PAPLN: variants seen among roughly 807,000 people sequenced by gnomAD.
PAPLN encodes the protein papilin, proteoglycan like sulfated glycoprotein, also known as papilin.
In PAPLN, 146 loss-of-function variants were observed where a neutral mutation model predicts 159.0. That is an observed-to-expected ratio of 0.92 (90% CI 0.80 to 1.05). The LOEUF is 1.05. Ranked by LOEUF, PAPLN falls within the 50% of genes least tolerant of loss-of-function variation. The pLI, the probability that PAPLN is intolerant of heterozygous loss-of-function variation, is 0.00. For missense variants in PAPLN, 1,720 were observed against 1,743.9 expected (o/e 0.99, Z 0.24); for synonymous variants, 734 against 702.9 (o/e 1.04, Z -0.70).
intron 10 of PAPLN, 68 bp downstream of exon 10, chr14:73,252,209 C>T: frequency 6.7e-7 from 1 of 1,496,296 alleles, no homozygotes; most frequent in Non-Finnish European, 8.9e-7. Flanking sequence ...CACAGGTGGG[C>T]AAGTCACAGC....
In PAPLN at chr14:73,259,411, C is replaced by G; in HGVS notation, c.1851C>G (p.Tyr617Ter). Residue 617 changes from tyrosine to a stop codon, truncating the protein, a stop_gained, in exon 16 of 27, where the codon TAC (tyrosine) becomes TAG (stop). Transcript: ENST00000644200. LOFTEE classifies it high-confidence loss of function. ...CTCCCTCTCTGCAGCAGCCCCCATA[C>G]CAGCAACCCCTGCGGTCGGGCTCAG... is the stretch of plus-strand genomic sequence containing the variant. ...GPAPSLQQPP[Y>*]QQPLRSGSGP... is the part of the protein sequence containing the mutation. The G allele has an allele frequency of 6.2e-7, 1 of 1,613,192 alleles. No individual in the cohort carries two copies. Among genetic ancestry groups the G allele is most frequent in the South Asian group, 1.1e-5 (1 of 90,920 alleles).
intron 3 of PAPLN, 63 bp downstream of exon 3, chr14:73,244,822 G>C (rs1488758061): frequency 7.4e-7 from 1 of 1,345,896 alleles, no homozygotes; most frequent in African/African-American, 1.5e-5. Context: ...CCTTCTGGGT[G>C]GTGGGCTAGG....
At chr14:73,262,979 C>T in intron 19 of PAPLN, 152 bp downstream of exon 19, 1 of 645,160 alleles carries the variant, frequency 1.5e-6, no homozygotes, top group Non-Finnish European at 2.3e-6. Flanking sequence ...TTGTTGCCAT[C>T]ATTCTACAGA....
intron 14 of PAPLN, among the ~76,000 whole-genome samples, chr14:73,255,240 T>C (rs1229476253): frequency 6.6e-6 from 1 of 152,186 alleles, no homozygotes; most frequent in Non-Finnish European, 1.5e-5. Flanking sequence ...AGCGGTAGCA[T>C]GCCCCTGCCC....
chr14:73,239,839 G>A lies in PAPLN; in HGVS notation c.54+7G>A. 1 of 1,584,860 alleles carries A rather than the reference G, an allele frequency of 6.3e-7. No individual in the cohort carries two copies. The highest frequency in any genetic ancestry group is 8.5e-7 in the Non-Finnish European group (1 of 1,171,622). On this transcript the variant is annotated splice_region_variant and intron_variant, in intron 2 of 26. Transcript: ENST00000644200. ...TCCAGCGCCCGGGTCCTCGGTGAGT[G>A]CGGTCCTGCCCCGGCCCCCGGAGGA...
At chr14:73,237,926 G>A (rs1883141359) in intron 1 of PAPLN, among the ~76,000 whole-genome samples, 1 of 152,168 alleles carries the variant, frequency 6.6e-6, no homozygotes, top group African/African-American at 2.4e-5. Context: ...CCTGGAGACC[G>A]TGCGCCCCTC....
In PAPLN at chr14:73,269,398, C is replaced by T. The variant is rs1278829975; in HGVS notation, c.3667+675C>T. Among the ~76,000 whole-genome samples the T allele has an allele frequency of 2.6e-5, 4 of 151,972 alleles. 1 individual carries two copies. The highest frequency in any genetic ancestry group is 2.6e-4 in the Admixed American group (4 of 15,258). The stretch of plus-strand genomic sequence containing the variant: ...ATTGTAGCCTTACCTCCTCTAGCTA[C>T]TACTCTATCATACTTCAACAAATCC... On this transcript the variant is annotated intron_variant, in intron 26 of 26. Coordinates refer to ENST00000644200, the MANE Select transcript of PAPLN (RefSeq NM_001365906.3).
intron 14 of PAPLN, among the ~76,000 whole-genome samples, chr14:73,257,151 T>C (rs1423731471): frequency 6.6e-6 from 1 of 152,116 alleles, no homozygotes; most frequent in Admixed American, 6.6e-5. Context: ...TTTTGATTTT[T>C]TGTTGAGATG....
chr14:73,251,345 T>A, intron 7 of PAPLN, 141 bp from the exon 8 acceptor site: 1 of 1,010,000 alleles, frequency 9.9e-7, no homozygotes, highest in South Asian at 1.6e-5. Flanking sequence ...CAGGGTTGCC[T>A]TTCCCAGCAG....
Position 73,250,056 on chromosome 14 carries a change from T to A in PAPLN, c.407T>A (p.Val136Asp), listed in dbSNP as rs1245277283. 1 of 1,613,378 alleles carries A rather than the reference T, an allele frequency of 6.2e-7. No homozygotes were observed. The highest frequency in any genetic ancestry group is 8.5e-7 in the Non-Finnish European group (1 of 1,179,706). ...TACTACAAGCACAGGGAGGCTGTGG[T>A]TGATGGGACGCCCTGCGAGCCTGGC... ...NFYYKHREAV[V>D]DGTPCEPGKR... is the part of the protein sequence containing the mutation. The change falls in exon 6 of 27, where the codon GTT becomes GAT. Residue 136 changes from valine to aspartate, a missense_variant. By Grantham distance (152) the Val-to-Asp change is radical. Coordinates refer to ENST00000644200, the MANE Select transcript of PAPLN (RefSeq NM_001365906.3).
chr14:73,236,366 C>G (rs888526738), upstream of PAPLN, among the ~76,000 whole-genome samples: 1 of 152,136 alleles, frequency 6.6e-6, no homozygotes, highest in South Asian at 2.1e-4. Context: ...ACCGAGGGAG[C>G]AGGACATGCA....
At chr14:73,264,374 G>A in intron 21 of PAPLN, 39 bp downstream of exon 21, 2 of 1,591,116 alleles carry the variant, frequency 1.3e-6, no homozygotes, top group Non-Finnish European at 1.7e-6. Context: ...CGTTCTCAGG[G>A]GCCCGAGTGG....
chr14:73,256,414 C>T (rs111507027), intron 14 of PAPLN, among the ~76,000 whole-genome samples: 2,597 of 151,742 alleles, frequency 0.017, 80 homozygotes, highest in African/African-American at 0.056. Context: ...TGCCTGTAAT[C>T]CCAGTTACTT....
intron 2 of PAPLN, among the ~76,000 whole-genome samples, chr14:73,240,758 T>A (rs1410530910): frequency 6.6e-6 from 1 of 152,170 alleles, no homozygotes; most frequent in Non-Finnish European, 1.5e-5. Context: ...GGTCCCTGGG[T>A]CTTGAGGATG....
At chr14:73,246,011 C>T in intron 4 of PAPLN, 62 bp from the exon 5 acceptor site, 1 of 1,423,694 alleles carries the variant, frequency 7.0e-7, no homozygotes, top group Non-Finnish European at 9.3e-7. Context: ...TCGGGCGGGG[C>T]GGGAGGTGGG....
intron 14 of PAPLN, among the ~76,000 whole-genome samples, chr14:73,256,473 A>G (rs1286062113): frequency 6.8e-6 from 1 of 146,394 alleles, no homozygotes; most frequent in African/African-American, 2.5e-5. Flanking sequence ...CCGAGGTTGC[A>G]GTGAGCCGAG....
chr14:73,257,753 C>CTTCTTTTTTTTTTTT, intron 14 of PAPLN, among the ~76,000 whole-genome samples: 1 of 91,256 alleles, frequency 1.1e-5, no homozygotes, highest in East Asian at 4.9e-4. Flanking sequence ...TCTCTTTCTT[C>CTTCTTTTTTTTTTTT]TTTTTTTTTT....
At chr14:73,264,520 T>C in intron 21 of PAPLN, 68 bp from the exon 22 acceptor site, 1 of 1,545,302 alleles carries the variant, frequency 6.5e-7, no homozygotes, top group Non-Finnish European at 8.7e-7. Flanking sequence ...GCTGGTCTCA[T>C]GGCCCGCCCT....
chr14:73,242,359 ACCCAG>A lies in PAPLN; in HGVS notation c.55-2278_55-2274del, dbSNP rs796668260. Among the ~76,000 whole-genome samples, 5 of 152,118 alleles carry A rather than the reference ACCCAG, an allele frequency of 3.3e-5. No individual in the cohort carries two copies. In the South Asian group the frequency reaches 1.0e-3, roughly 32 times the overall value. ...GTACCCCTTGGCCACACACCAGTAC[ACCCAG>A]CCCAGCTCCAGGGAAGGGTGGATTT... is the stretch of plus-strand genomic sequence containing the variant. On this transcript the variant is annotated intron_variant, in intron 2 of 26. Coordinates refer to ENST00000644200, the MANE Select transcript of PAPLN (RefSeq NM_001365906.3).
Sources: allele counts gnomAD v4.1 joint callset (sites outside exome capture counted in the v4.1 genomes callset), GRCh38; gene constraint gnomAD v4.1.1; transcripts MANE v1.5; gene names NCBI Gene and HGNC (gene_info 2026-07-23, HGNC 2026-07-21).